Variants in CLIP1 observed in about 807,000 individuals in gnomAD.
CLIP1 encodes the protein CAP-Gly domain containing linker protein 1.
In CLIP1, 66 loss-of-function variants were observed where a neutral mutation model predicts 161.6. The ratio of observed to expected loss-of-function variants is 0.41; its 90% CI spans 0.33 to 0.50. CLIP1 has a LOEUF of 0.50. CLIP1 is among the 20% of genes least tolerant of loss of function. The probability of loss-of-function intolerance (pLI) is 0.27; values close to 1 mark genes in which losing one functional copy is unlikely to be tolerated. For missense variants in CLIP1, 1,376 were observed against 1,702.0 expected, an observed-to-expected ratio of 0.81 and a Z score of 3.37; for synonymous variants, 598 against 626.2, an observed-to-expected ratio of 0.96 and a Z score of 0.67.
rs144529279 is a variant in CLIP1, at chr12:122,285,903, T to C, written c.3647+2586A>G. Among the ~76,000 whole-genome samples the C allele has an allele frequency of 7.9e-3, 1,198 of 151,972 alleles. 13 individuals carry two copies. Among genetic ancestry groups the C allele is most frequent in the Non-Finnish European group, 0.011 (742 of 67,956 alleles). The stretch of plus-strand genomic sequence containing the variant: ...AAAATCTTATTTATGTAAAATTAAA[T>C]ACCCCGAGGCCCACAGAGACAGAAT... On this transcript the variant is annotated intron_variant, in intron 21 of 25. Coordinates refer to ENST00000620786, the MANE Select transcript of CLIP1 (RefSeq NM_001247997.2).
rs1352081132 is a variant in CLIP1 at position 122,377,626 on chromosome 12, C to T, written c.420G>A (p.Thr140=). ...AEDEANGLQT[T]PASRATSPLC... is the part of the protein sequence containing the mutation. ...GCGGTGAAGTAGCTCGGGAGGCGGGCGTTGTCTGCAGGCCATTAGCTTCAT... is the reference window on the plus strand; with the variant it reads ...GCGGTGAAGTAGCTCGGGAGGCGGGTGTTGTCTGCAGGCCATTAGCTTCAT... Residue 140 remains threonine (T), a synonymous_variant, in exon 3 of 26, where the codon ACG becomes ACA. Coordinates refer to ENST00000620786, the MANE Select transcript of CLIP1 (RefSeq NM_001247997.2). 19 of 1,613,614 alleles carry T rather than the reference C, an allele frequency of 1.2e-5. No homozygotes were observed. Among genetic ancestry groups the T allele is most frequent in the Non-Finnish European group, 1.6e-5 (19 of 1,179,968 alleles).
In CLIP1 at chr12:122,272,601, C is replaced by A; in HGVS notation, c.*274G>T. The stretch of plus-strand genomic sequence containing the variant: ...GGGTTTTTCTACAAGGTCGGGGGGC[C>A]AATAAATGTAATGGCATCTGGTGCA... On this transcript the variant is annotated 3_prime_UTR_variant, in exon 26 of 26. Transcript: ENST00000620786. The A allele has an allele frequency of 2.6e-6, 1 of 390,088 alleles. No individual in the cohort carries two copies. Among genetic ancestry groups the A allele is most frequent in the Non-Finnish European group, 4.7e-6 (1 of 213,140 alleles). 24.2% of individuals were successfully genotyped at this position (390,088 alleles called of 1,614,324 possible). A position where few individuals can be genotyped will look rare whatever the true frequency, so the allele number is the denominator to read the frequency against.
Position 122,278,894 on chromosome 12 carries a change from C to T in CLIP1, c.3814G>A (p.Val1272Ile). 1 of 1,613,272 alleles carries T rather than the reference C, an allele frequency of 6.2e-7. No individual in the cohort carries two copies. The highest frequency in any genetic ancestry group is 8.5e-7 in the Non-Finnish European group (1 of 1,179,734). Residue 1272 changes from valine (V) to isoleucine (I), a missense_variant, in exon 23 of 26, where the codon GTT (valine) becomes ATT (isoleucine). Val to Ile is a conservative substitution (Grantham distance 29). Around this residue, in one of 6 missense-constraint regions of CLIP1, gnomAD observed 948 missense variants for 1,134.8 expected, o/e 0.84. Transcript: ENST00000620786. The stretch of plus-strand genomic sequence containing the variant: ...TTATCAGACTCTAGAGTCTGAACAA[C>T]TGAATGCAAGGACTTGGCAGAGGCG... ...ENASAKSLHSVVQTLESDKVK... is the reference protein window; with the variant it reads ...ENASAKSLHSIVQTLESDKVK...
At chr12:122,289,809 T>TG (rs1956024725) in intron 20 of CLIP1, among the ~76,000 whole-genome samples, 1 of 150,984 alleles carries the variant, frequency 6.6e-6, no homozygotes, top group African/African-American at 2.4e-5. Context: ...GTTAATGTTT[T>TG]TTTTTTTTTT....
At chr12:122,369,468 A>G (rs1954328391) in intron 3 of CLIP1, among the ~76,000 whole-genome samples, 2 of 151,708 alleles carry the variant, frequency 1.3e-5, no homozygotes, top group South Asian at 4.2e-4. Context: ...CATGGGTATA[A>G]AGTGACGACT....
chr12:122,325,573 C>T (rs1486922832), intron 17 of CLIP1, among the ~76,000 whole-genome samples: 1 of 152,092 alleles, frequency 6.6e-6, no homozygotes, highest in Non-Finnish European at 1.5e-5. Context: ...CCTCTGCCTC[C>T]CAGTTTCAAG....
intron 1 of CLIP1, among the ~76,000 whole-genome samples, chr12:122,392,722 A>G (rs1301591518): frequency 6.6e-6 from 1 of 152,198 alleles, no homozygotes; most frequent in Non-Finnish European, 1.5e-5. Flanking sequence ...GTGAATTCAA[A>G]GGTTAAAGAT....
Position 122,377,494 on chromosome 12 carries a change from C to T in CLIP1, c.552G>A (p.Pro184=), listed in dbSNP as rs150084674. The T allele has an allele frequency of 8.1e-5, 130 of 1,613,894 alleles. No individual in the cohort carries two copies. The highest frequency in any genetic ancestry group is 9.7e-5 in the Non-Finnish European group (115 of 1,180,026). ...TGGCAGTTTTTGTAAGGTTGCTGATCGGAGGCGTAGCTGAAGGTTCCTTTG... is the reference window on the plus strand; with the variant it reads ...TGGCAGTTTTTGTAAGGTTGCTGATTGGAGGCGTAGCTGAAGGTTCCTTTG... ...PAAKEPSATP[P]ISNLTKTASE... is the part of the protein sequence containing the mutation. The change falls in exon 3 of 26, where the codon CCG becomes CCA. Residue 184 remains proline, a synonymous_variant. Coordinates refer to ENST00000620786, the MANE Select transcript of CLIP1 (RefSeq NM_001247997.2).
At chr12:122,307,951 T>C (rs1950931731) in intron 20 of CLIP1, among the ~76,000 whole-genome samples, 1 of 152,260 alleles carries the variant, frequency 6.6e-6, no homozygotes, top group Admixed American at 6.5e-5. Flanking sequence ...ACCCATTCTT[T>C]AAAAGTAAGT....
chr12:122,399,667 A>G (rs1482359518), intron 1 of CLIP1: 1 of 152,124 alleles, frequency 6.6e-6, no homozygotes, highest in Non-Finnish European at 1.5e-5. Context: ...GTTTAACACC[A>G]AGCTTCCAGA....
At chr12:122,365,140 A>G in intron 3 of CLIP1, 1 of 412,704 alleles carries the variant, frequency 2.4e-6, no homozygotes, top group South Asian at 3.5e-5. Flanking sequence ...ATGCTAAATG[A>G]CGAGTTAATG....
Position 122,309,110 on chromosome 12 carries a change from C to T in CLIP1, c.3594+652G>A, listed in dbSNP as rs185655240. On this transcript the variant is annotated intron_variant, in intron 20 of 25. Coordinates refer to ENST00000620786, the MANE Select transcript of CLIP1 (RefSeq NM_001247997.2). ...AGAGAAGAATAAAAGGCAGATATAG[C>T]TTCCTTTAAAATCAGTTTTGTTGCC... 1.5e-3 allele frequency among the ~76,000 whole-genome samples: 232 copies of T among 152,332 alleles called. 1 individual carries two copies. Among genetic ancestry groups the T allele is most frequent in the African/African-American group, 5.2e-3 (218 of 41,572 alleles).
intron 20 of CLIP1, among the ~76,000 whole-genome samples, chr12:122,307,920 CT>C (rs1361034215): frequency 6.6e-6 from 1 of 152,218 alleles, no homozygotes; most frequent in Admixed American, 6.5e-5. Flanking sequence ...ATACAGAAAA[CT>C]ACCAGTGGCT....
intron 1 of CLIP1, among the ~76,000 whole-genome samples, chr12:122,384,876 C>A (rs2136889882): frequency 6.7e-6 from 1 of 150,126 alleles, no homozygotes; most frequent in Non-Finnish European, 1.5e-5. Flanking sequence ...CTAAATTCAA[C>A]CATAATCAAA....
rs1416949648 is a variant in CLIP1, at chr12:122,347,364, A to G, written c.1506+11T>C. 1 of 1,579,962 alleles carries G rather than the reference A, an allele frequency of 6.3e-7. No individual in the cohort carries two copies. The highest frequency in any genetic ancestry group is 2.2e-5 in the East Asian group (1 of 44,476). The stretch of plus-strand genomic sequence containing the variant: ...CATGGGTCTGCTTCATTAAATAGTG[A>G]AAACCATTACCCTAGTGTCTTCTAA... On this transcript the variant is annotated intron_variant, in intron 10 of 25. Transcript: ENST00000620786.
intron 7 of CLIP1, 55 bp from the exon 8 acceptor site, chr12:122,352,841 T>TA: frequency 1.4e-6 from 2 of 1,455,592 alleles, no homozygotes; most frequent in Non-Finnish European, 1.9e-6. Context: ...ACACAGCCTT[T>TA]AAAAAAACAA....
chr12:122,279,239 A>G lies in CLIP1; in HGVS notation c.3648-94T>C. 1.3e-6 allele frequency: 1 copy of G among 782,580 alleles called. No individual in the cohort carries two copies. 48.5% of individuals were successfully genotyped at this position (782,580 alleles called of 1,614,324 possible). ...AACAAACACATAATTAATGTTAGTT[A>G]ATGTAAAAAAAAAAATATAACAGGG... is the stretch of plus-strand genomic sequence containing the variant. On this transcript the variant is annotated intron_variant, in intron 21 of 25. Transcript: ENST00000620786. This position sits in a 1 kb window ranked among gnomAD's most constrained non-coding sequence, Gnocchi z 4.5.
chr12:122,286,929 C>T (rs1433318916), intron 21 of CLIP1, among the ~76,000 whole-genome samples: 4 of 151,636 alleles, frequency 2.6e-5, no homozygotes, highest in South Asian at 2.1e-4. Flanking sequence ...ACCCAGGAGG[C>T]GGAGGTTGCA....
intron 4 of CLIP1, among the ~76,000 whole-genome samples, chr12:122,362,945 A>G (rs1566176038): frequency 2.0e-5 from 3 of 152,138 alleles, no homozygotes; most frequent in South Asian, 4.1e-4. Flanking sequence ...CTTTATCTCT[A>G]TGAGTCATAA....
Sources: gnomAD v4.1 joint callset for allele counts (sites outside exome capture counted in the v4.1 genomes callset) on GRCh38, gnomAD v4.1.1 for gene constraint, gnomAD v4.1.1 regional missense constraint, Gnocchi (gnomAD v3.1) non-coding constraint, MANE v1.5 for transcripts, NCBI Gene and HGNC (gene_info 2026-07-23, HGNC 2026-07-21) for gene names.